The following NCKAP5 variants were observed in gnomAD, a reference collection of about 807,000 sequenced individuals.
NCKAP5 encodes the protein NCK associated protein 5, also known as nck-associated protein 5.
NCKAP5 carries 92 observed loss-of-function variants against 167.0 expected under a neutral mutation model. The observed-to-expected ratio is 0.55, with a 90% confidence interval of 0.47 to 0.66. NCKAP5 has a LOEUF of 0.66. Among genes scored for constraint, NCKAP5 ranks in the 30% least tolerant of loss-of-function variants. The pLI, the probability that NCKAP5 is intolerant of heterozygous loss-of-function variation, is 0.00. For missense variants in NCKAP5, 2,378 were observed against 2,315.0 expected (o/e 1.03, Z -0.56); for synonymous variants, 891 against 877.4 (o/e 1.02, Z -0.27).
chr2:132,973,836 T>C (rs1450364699), intron 7 of NCKAP5, among the ~76,000 whole-genome samples: 4 of 152,094 alleles, frequency 2.6e-5, no homozygotes, highest in Non-Finnish European at 5.9e-5. Context: ...CCAGTGAGAG[T>C]TTAGTGAAAG....
chr2:132,942,667 C>A (rs954266625), intron 8 of NCKAP5, among the ~76,000 whole-genome samples: 9 of 152,058 alleles, frequency 5.9e-5, no homozygotes, highest in Non-Finnish European at 1.0e-4. Flanking sequence ...TTGGGCAAAA[C>A]CTTGATTAAA....
Position 133,444,397 on chromosome 2 carries a change from TAG to T in NCKAP5, c.69+73059_69+73060del, listed in dbSNP as rs796783677. On this transcript the variant is annotated intron_variant, in intron 3 of 19. Coordinates refer to ENST00000409261, the MANE Select transcript of NCKAP5 (RefSeq NM_207363.3). ...ATAGATAGATAGATAGATAGATAGA[TAG>T]ATAGATAGATATAGATATAGATGTA... Among the ~76,000 whole-genome samples the T allele has an allele frequency of 6.5e-3, 818 of 125,384 alleles. 4 individuals are homozygous for T. The highest frequency in any genetic ancestry group is 0.017 in the Middle Eastern group (4 of 230). The allele number at this position is 125,384 out of a possible 152,430, so 82.3% of individuals were successfully genotyped here.
intron 8 of NCKAP5, among the ~76,000 whole-genome samples, chr2:132,940,588 A>C (rs1316852085): frequency 2.0e-5 from 3 of 152,230 alleles, no homozygotes; most frequent in Non-Finnish European, 4.4e-5. Flanking sequence ...ATAATAGGGT[A>C]GTAAAATGAC....
chr2:132,716,271 C>T (rs1241629179), intron 19 of NCKAP5, among the ~76,000 whole-genome samples: 1 of 152,206 alleles, frequency 6.6e-6, no homozygotes, highest in East Asian at 1.9e-4. Flanking sequence ...TTGGAAACCA[C>T]TCTTCTCCCA....
intron 11 of NCKAP5, among the ~76,000 whole-genome samples, chr2:132,835,084 T>C (rs995827307): frequency 1.3e-5 from 2 of 152,216 alleles, no homozygotes; most frequent in East Asian, 1.9e-4. Flanking sequence ...ATGTTTTTTG[T>C]CCTTAACTCT....
intron 6 of NCKAP5, among the ~76,000 whole-genome samples, chr2:133,059,863 C>A (rs188335060): frequency 6.6e-6 from 1 of 151,986 alleles, no homozygotes; most frequent in East Asian, 1.9e-4. Context: ...TGGAACAGAA[C>A]CTGCAATATC....
chr2:132,723,140 ATTTTT>A (rs869234028), intron 19 of NCKAP5, among the ~76,000 whole-genome samples: 1 of 93,436 alleles, frequency 1.1e-5, no homozygotes, highest in Non-Finnish European at 2.0e-5. Flanking sequence ...GCCAGGTGGT[ATTTTT>A]TTTTTTTTTT....
chr2:133,644,151 G>GAGATCA, the NCKAP5 span, among the ~76,000 whole-genome samples: 1 of 152,186 alleles, frequency 6.6e-6, no homozygotes, highest in African/African-American at 2.4e-5. Flanking sequence ...GTTCCTGGAA[G>GAGATCA]AGATTAACAT....
chr2:133,355,968 C>T lies in NCKAP5; in HGVS notation c.70-52858G>A, dbSNP rs549334825. 4.4e-4 allele frequency among the ~76,000 whole-genome samples: 67 copies of T among 152,040 alleles called. No homozygotes were observed. In the Middle Eastern group the frequency reaches 0.01, roughly 23 times the overall value. ...TTTGAGACAGGGTCTCCATCTGTCG[C>T]GCAGGCTGGAGTGCAGCGGCGTGAT... is the stretch of plus-strand genomic sequence containing the variant. On this transcript the variant is annotated intron_variant, in intron 3 of 19. Transcript: ENST00000409261.
chr2:133,564,716 T>C (rs868811806), intron 1 of NCKAP5, among the ~76,000 whole-genome samples: 25 of 152,100 alleles, frequency 1.6e-4, no homozygotes, highest in Middle Eastern at 3.4e-3. Context: ...CAGTCTTCTC[T>C]CTTAAGTAGG....
chr2:133,417,554 C>A (rs1689198861), intron 3 of NCKAP5, among the ~76,000 whole-genome samples: 1 of 152,204 alleles, frequency 6.6e-6, no homozygotes, highest in Non-Finnish European at 1.5e-5. Flanking sequence ...GGGAAATATG[C>A]TAATCCAAGG....
intron 13 of NCKAP5, among the ~76,000 whole-genome samples, chr2:132,789,251 T>C (rs1683850904): frequency 6.6e-6 from 1 of 152,188 alleles, no homozygotes; most frequent in South Asian, 2.1e-4. Flanking sequence ...GAAACATCCC[T>C]GACCATCTGT....
chr2:133,367,298 C>T (rs34263960), intron 3 of NCKAP5, among the ~76,000 whole-genome samples: 10,739 of 152,146 alleles, frequency 0.071, 534 homozygotes, highest in Middle Eastern at 0.11. Flanking sequence ...GCGGAGGTGA[C>T]CTTGGGGTGG....
chr2:133,173,145 C>T lies in NCKAP5; in HGVS notation c.207+40571G>A, dbSNP rs551041758. ...TTGATCTCTGAGGAGTGCCTGTCTC[C>T]TCATTCCCACGAAGATTAAGTAAAG... On this transcript the variant is annotated intron_variant, in intron 5 of 19. Transcript: ENST00000409261. 8.7e-4 allele frequency among the ~76,000 whole-genome samples: 132 copies of T among 152,240 alleles called. 1 individual carries two copies. The highest frequency in any genetic ancestry group is 2.8e-3 in the African/African-American group (117 of 41,542).
At chr2:132,809,787 C>T (rs750494135) in intron 11 of NCKAP5, among the ~76,000 whole-genome samples, 1 of 152,114 alleles carries the variant, frequency 6.6e-6, no homozygotes, top group Non-Finnish European at 1.5e-5. Flanking sequence ...ATGTGACGTA[C>T]CATTGCATTT....
At chr2:132,985,920 T>C (rs957320472) in intron 7 of NCKAP5, among the ~76,000 whole-genome samples, 1 of 152,242 alleles carries the variant, frequency 6.6e-6, no homozygotes, top group African/African-American at 2.4e-5. Context: ...TGTATTAAAA[T>C]GTTATAAATA....
At chr2:133,042,183 C>T (rs1467708083) in intron 6 of NCKAP5, among the ~76,000 whole-genome samples, 1 of 152,060 alleles carries the variant, frequency 6.6e-6, no homozygotes, top group African/African-American at 2.4e-5. Flanking sequence ...TTATGCTAAG[C>T]TGTTTTTCCA....
chr2:133,138,948 C>T (rs1020506905), intron 5 of NCKAP5, among the ~76,000 whole-genome samples: 1 of 152,190 alleles, frequency 6.6e-6, no homozygotes, highest in African/African-American at 2.4e-5. Context: ...CACAGTGTGG[C>T]CACCTGGAAC....
chr2:133,155,108 C>T (rs977588255), intron 5 of NCKAP5, among the ~76,000 whole-genome samples: 6 of 152,292 alleles, frequency 3.9e-5, no homozygotes, highest in African/African-American at 1.2e-4. Flanking sequence ...TGACCCTTCT[C>T]TACTCTCTCC....
Sources: gnomAD v4.1 joint callset for allele counts (sites outside exome capture counted in the v4.1 genomes callset) on GRCh38, gnomAD v4.1.1 for gene constraint, MANE v1.5 for transcripts, NCBI Gene and HGNC (gene_info 2026-07-23, HGNC 2026-07-21) for gene names.